The following TMEM39A variants were observed in gnomAD, a reference collection of about 807,000 sequenced individuals.
TMEM39A encodes suppressor of SQST-1 aggregates in rpl-43 mutants.
Under a neutral mutation model 51.9 loss-of-function variants are expected in TMEM39A, and 19 were observed. The ratio of observed to expected loss-of-function variants is 0.37; its 90% confidence interval spans 0.26 to 0.54. TMEM39A has a LOEUF of 0.54. Ranked by LOEUF, TMEM39A falls within the 20% of genes least tolerant of loss-of-function variation. The probability of loss-of-function intolerance (pLI) is 0.88; values close to 1 mark genes in which losing one functional copy is unlikely to be tolerated. For missense variants in TMEM39A, 433 were observed against 590.5 expected (o/e 0.73, Z 2.76); for synonymous variants, 197 against 220.2 (o/e 0.89, Z 0.93).
chr3:119,436,606 G>T, intron 7 of TMEM39A, 185 bp downstream of exon 7: 1 of 595,156 alleles, frequency 1.7e-6, no homozygotes, highest in East Asian at 2.8e-5. Context: ...TTAAGGAGCT[G>T]GGGTGGTGGT....
intron 8 of TMEM39A, among the ~76,000 whole-genome samples, chr3:119,433,131 T>G (rs1014178707): frequency 6.6e-5 from 10 of 152,232 alleles, no homozygotes; most frequent in African/African-American, 2.4e-4. Context: ...AATAACTAAT[T>G]TAGATGGAAT....
chr3:119,445,269 T>A (rs2081108955), intron 5 of TMEM39A, among the ~76,000 whole-genome samples: 1 of 152,174 alleles, frequency 6.6e-6, no homozygotes, highest in Non-Finnish European at 1.5e-5. Context: ...TTTATTTATT[T>A]ATTTATTTGA....
chr3:119,462,692 A>C (rs1258482242), intron 1 of TMEM39A, among the ~76,000 whole-genome samples: 2 of 129,378 alleles, frequency 1.5e-5, no homozygotes. Flanking sequence ...AGGACTGAGG[A>C]AGTGGAATGA....
intron 5 of TMEM39A, among the ~76,000 whole-genome samples, chr3:119,439,333 C>A (rs950112202): frequency 6.6e-6 from 1 of 152,116 alleles, no homozygotes; most frequent in African/African-American, 2.4e-5. Flanking sequence ...ATAATCCCAG[C>A]ACTTTGGGAG....
intron 8 of TMEM39A, among the ~76,000 whole-genome samples, chr3:119,433,590 T>G (rs1379575852): frequency 6.6e-6 from 1 of 152,206 alleles, no homozygotes; most frequent in Admixed American, 6.5e-5. Context: ...CAGAAAATTC[T>G]AATGAACTAT....
chr3:119,458,828 G>A (rs1421333320), intron 2 of TMEM39A, among the ~76,000 whole-genome samples: 1 of 152,176 alleles, frequency 6.6e-6, no homozygotes, highest in Non-Finnish European at 1.5e-5. Flanking sequence ...TTAGGAGGCG[G>A]AGGTTGTGGT....
chr3:119,431,773 A>G lies in TMEM39A; in HGVS notation c.*208T>C, dbSNP rs2080903990. The G allele has an allele frequency of 2.5e-6, 1 of 402,922 alleles. No individual in the cohort carries two copies. The highest frequency in any genetic ancestry group is 6.8e-4 in the Middle Eastern group (1 of 1,470). The allele number at this position is 402,922 out of a possible 1,614,324, so 25.0% of individuals were successfully genotyped here. A position where few individuals can be genotyped will look rare whatever the true frequency, so the allele number is the denominator to read the frequency against. ...TCTTTACTGGACAGGCATACCTCTC[A>G]TATGTATATTATTCGAATATACTAA... On this transcript the variant is annotated 3_prime_UTR_variant, in exon 9 of 9. Transcript: ENST00000319172.
intron 1 of TMEM39A, among the ~76,000 whole-genome samples, chr3:119,462,526 G>T (rs1294833031): frequency 3.3e-5 from 5 of 151,312 alleles, no homozygotes; most frequent in Admixed American, 1.3e-4. Flanking sequence ...AAAACATTAG[G>T]TTTTGTTATC....
chr3:119,458,395 G>C (rs2081294281), intron 2 of TMEM39A, among the ~76,000 whole-genome samples, 155 bp from the exon 3 acceptor site: 1 of 152,124 alleles, frequency 6.6e-6, no homozygotes, highest in African/African-American at 2.4e-5. Flanking sequence ...CACACTTTCT[G>C]TCAGTGATCT....
At chr3:119,451,446 AAC>A (rs2081197420) in intron 4 of TMEM39A, 1 of 514,778 alleles carries the variant, frequency 1.9e-6, no homozygotes, top group Non-Finnish European at 3.2e-6. Flanking sequence ...CAGCTAAATT[AAC>A]ATTTTTTGTT....
At chr3:119,435,314 T>C (rs1479576723) in intron 7 of TMEM39A, 6 of 985,280 alleles carry the variant, frequency 6.1e-6, no homozygotes, top group South Asian at 4.7e-5. Context: ...CAATCTAGCA[T>C]GACATTTACT....
chr3:119,452,641 C>A, intron 3 of TMEM39A, 111 bp from the exon 4 acceptor site: 8 of 741,002 alleles, frequency 1.1e-5, no homozygotes, highest in South Asian at 1.1e-4. Flanking sequence ...GATCACCACA[C>A]CCTTACAGAT....
chr3:119,452,654 T>C (rs2081215681), intron 3 of TMEM39A, 124 bp from the exon 4 acceptor site: 1 of 678,716 alleles, frequency 1.5e-6, no homozygotes, highest in African/African-American at 1.8e-5. Flanking sequence ...TTACAGATTA[T>C]GGGAATATGA....
intron 2 of TMEM39A, among the ~76,000 whole-genome samples, chr3:119,460,899 T>C (rs547284945): frequency 1.3e-5 from 2 of 152,354 alleles, no homozygotes; most frequent in Admixed American, 1.3e-4. Context: ...ATACCTATAT[T>C]AGATAGTACC....
intron 3 of TMEM39A, among the ~76,000 whole-genome samples, chr3:119,456,963 T>C (rs2081272925): frequency 6.7e-6 from 1 of 149,526 alleles, no homozygotes; most frequent in Non-Finnish European, 1.5e-5. Context: ...ATCAAGACTA[T>C]CATGGTACTC....
At position 119,429,228 on chromosome 3, in the gene TMEM39A, G is replaced by A. The variant is rs115496415; in HGVS notation, c.*2753C>T. On this transcript the variant is annotated 3_prime_UTR_variant, in exon 9 of 9. Coordinates refer to ENST00000319172, the MANE Select transcript of TMEM39A (RefSeq NM_018266.3). The stretch of plus-strand genomic sequence containing the variant: ...TTAATTAAAAAAAAGAGAGAGAAAC[G>A]GCACAACAGGTGGCAGTGGTGGTGA... Among the ~76,000 whole-genome samples the A allele has an allele frequency of 1.5e-3, 226 of 151,774 alleles. No homozygotes were observed. The highest frequency in any genetic ancestry group is 5.1e-3 in the African/African-American group (212 of 41,414).
Position 119,436,943 on chromosome 3 carries a change from C to T in TMEM39A, c.960G>A (p.Glu320=). Residue 320 remains glutamate, a synonymous_variant, in exon 7 of 9, where the codon GAG becomes GAA. Coordinates refer to ENST00000319172, the MANE Select transcript of TMEM39A (RefSeq NM_018266.3). The part of the protein sequence containing the change: ...TQYYDMRWSC[E]HLIMVWINAF... The stretch of plus-strand genomic sequence containing the variant: ...CATTGATCCACACCATAATGAGGTG[C>T]TCACATGACCAGCGCATGTCATAGT... 1 of 1,613,812 alleles carries T rather than the reference C, an allele frequency of 6.2e-7. No homozygotes were observed. The highest frequency in any genetic ancestry group is 8.5e-7 in the Non-Finnish European group (1 of 1,179,790).
chr3:119,459,433 T>C (rs1184446524), intron 2 of TMEM39A, among the ~76,000 whole-genome samples: 2 of 152,014 alleles, frequency 1.3e-5, no homozygotes, highest in East Asian at 3.9e-4. Flanking sequence ...ATAGAAGAGG[T>C]AGGGAAAGCA....
rs760811688 is a variant in TMEM39A, at chr3:119,437,755, C to G, written c.924G>C (p.Lys308Asn). Residue 308 changes from lysine to asparagine, a missense_variant and splice_region_variant, in exon 6 of 9, where the codon AAG becomes AAC. Physicochemically the swap from Lys to Asn is moderately conservative, Grantham distance 94. Transcript: ENST00000319172. ...ACATAAAAGTAAGATAACCACTTAC[C>G]TTCACAAAACACAGGGGGAGAAATG... Reference protein sequence around the residue: ...YVAFLPLCFVKSTQYYDMRWS... With the variant: ...YVAFLPLCFVNSTQYYDMRWS... The G allele has an allele frequency of 7.6e-5, 117 of 1,531,808 alleles. No individual in the cohort carries two copies. The highest frequency in any genetic ancestry group is 9.3e-5 in the Non-Finnish European group (105 of 1,134,920). The allele number at this position is 1,531,808 out of a possible 1,614,324, so 94.9% of individuals were successfully genotyped here.
Sources: allele counts gnomAD v4.1 joint callset (sites outside exome capture counted in the v4.1 genomes callset), GRCh38; gene constraint gnomAD v4.1.1; transcripts MANE v1.5; gene names NCBI Gene and HGNC (gene_info 2026-07-23, HGNC 2026-07-21).